The following GRID1 variants were observed in gnomAD, a reference collection of about 807,000 sequenced individuals.
GRID1 encodes glutamate ionotropic receptor delta type subunit 1, also known as glutamate receptor ionotropic, delta-1.
A neutral mutation model predicts 98.0 loss-of-function variants in GRID1; 28 were observed. The ratio of observed to expected loss-of-function variants is 0.29; its 90% CI spans 0.21 to 0.39. GRID1 has a LOEUF of 0.39. Among genes scored for constraint, GRID1 ranks in the 10% least tolerant of loss-of-function variants. The pLI is 1.00. For synonymous variants in GRID1, 553 were observed against 538.5 expected, an observed-to-expected ratio of 1.03 and a Z score of -0.37; for missense variants, 1,111 against 1,340.5, an observed-to-expected ratio of 0.83 and a Z score of 2.67.
At chr10:85,973,603 C>A (rs1203305521) in intron 4 of GRID1, among the ~76,000 whole-genome samples, 1 of 152,114 alleles carries the variant, frequency 6.6e-6, no homozygotes, top group Non-Finnish European at 1.5e-5. Context: ...TCATTATTTG[C>A]TATTTTCTAA....
intron 12 of GRID1, among the ~76,000 whole-genome samples, chr10:85,679,250 G>A (rs1841179935): frequency 6.6e-6 from 1 of 152,150 alleles, no homozygotes; most frequent in Non-Finnish European, 1.5e-5. Context: ...TTCTGACCAA[G>A]CTCCCAAACC....
chr10:86,343,223 C>T (rs984428043), intron 2 of GRID1, among the ~76,000 whole-genome samples: 11 of 152,158 alleles, frequency 7.2e-5, no homozygotes, highest in African/African-American at 2.7e-4. Context: ...TAAGCTACCT[C>T]ACAGCAAATT....
At chr10:85,675,890 A>G (rs1841139570) in intron 12 of GRID1, among the ~76,000 whole-genome samples, 1 of 152,120 alleles carries the variant, frequency 6.6e-6, no homozygotes, top group African/African-American at 2.4e-5. Context: ...TGTTCCATGC[A>G]TTTTGTGAGG....
At chr10:86,131,179 C>A (rs1184520177) in intron 4 of GRID1, among the ~76,000 whole-genome samples, 1 of 152,134 alleles carries the variant, frequency 6.6e-6, no homozygotes, top group Non-Finnish European at 1.5e-5. Flanking sequence ...CCGCCCCCTC[C>A]CCCTGCATCC....
chr10:85,793,485 A>G (rs1218051346), intron 8 of GRID1, among the ~76,000 whole-genome samples: 1 of 152,230 alleles, frequency 6.6e-6, no homozygotes, highest in Admixed American at 6.5e-5. Flanking sequence ...CTTTATCTGC[A>G]TAACCCAGCC....
At chr10:85,826,950 C>A (rs1180237099) in intron 8 of GRID1, among the ~76,000 whole-genome samples, 1 of 152,054 alleles carries the variant, frequency 6.6e-6, no homozygotes. Flanking sequence ...CCAAGGGCAT[C>A]AAAGAAAATG....
chr10:85,923,819 G>T (rs1429414545), intron 4 of GRID1, among the ~76,000 whole-genome samples: 1 of 152,184 alleles, frequency 6.6e-6, no homozygotes, highest in Non-Finnish European at 1.5e-5. Flanking sequence ...TAAGCCAGAA[G>T]GTGATTCAGG....
At chr10:85,778,304 A>G (rs1431369029) in intron 8 of GRID1, among the ~76,000 whole-genome samples, 3 of 152,098 alleles carry the variant, frequency 2.0e-5, no homozygotes, top group Non-Finnish European at 2.9e-5. Context: ...CCATGCAGTG[A>G]CAAGGTGAGG....
chr10:86,093,985 A>T (rs1399030938), intron 4 of GRID1, among the ~76,000 whole-genome samples: 1 of 152,220 alleles, frequency 6.6e-6, no homozygotes, highest in African/African-American at 2.4e-5. Flanking sequence ...CATATCAAAA[A>T]GATAATCCAC....
At chr10:85,723,422 A>C (rs1564570542) in intron 11 of GRID1, among the ~76,000 whole-genome samples, 1 of 152,178 alleles carries the variant, frequency 6.6e-6, no homozygotes, top group Non-Finnish European at 1.5e-5. Context: ...TTGGGGTCTG[A>C]ATATCAAAAT....
At chr10:86,325,181 T>TC (rs146133777) in intron 2 of GRID1, among the ~76,000 whole-genome samples, 9,842 of 152,292 alleles carry the variant, frequency 0.065, 607 homozygotes, top group African/African-American at 0.16. Flanking sequence ...TTTGCACATC[T>TC]CACTTGTATA....
intron 5 of GRID1, among the ~76,000 whole-genome samples, chr10:85,876,145 A>C (rs939917093): frequency 2.0e-4 from 30 of 152,168 alleles, no homozygotes; most frequent in Non-Finnish European, 3.8e-4. Flanking sequence ...GCATTAACAA[A>C]TTATCATAAA....
At chr10:86,156,269 C>G (rs1216172193) in intron 3 of GRID1, among the ~76,000 whole-genome samples, 1 of 152,206 alleles carries the variant, frequency 6.6e-6, no homozygotes, top group Non-Finnish European at 1.5e-5. Flanking sequence ...TTATCCTGCT[C>G]CAATCCGATT....
At chr10:86,277,055 C>T (rs536655542) in intron 2 of GRID1, among the ~76,000 whole-genome samples, 14 of 152,020 alleles carry the variant, frequency 9.2e-5, no homozygotes, top group Admixed American at 3.3e-4. Context: ...TTCCAAGAGC[C>T]GGGGGGAGAG....
At chr10:85,604,072 G>A (rs1842620624) in intron 15 of GRID1, among the ~76,000 whole-genome samples, 1 of 152,184 alleles carries the variant, frequency 6.6e-6, no homozygotes, top group South Asian at 2.1e-4. Flanking sequence ...GCCCTGACCA[G>A]ATGAGTGCAT....
chr10:85,770,037 A>G (rs1842241263), intron 8 of GRID1, among the ~76,000 whole-genome samples: 2 of 152,178 alleles, frequency 1.3e-5, no homozygotes, highest in African/African-American at 2.4e-5. Context: ...GTGGGACCCT[A>G]ACCCCTGACC....
intron 2 of GRID1, among the ~76,000 whole-genome samples, chr10:86,213,636 AC>A (rs1476158681): frequency 1.3e-5 from 2 of 151,944 alleles, no homozygotes; most frequent in Non-Finnish European, 2.9e-5. Context: ...GGAATCATCA[AC>A]ATTCCTTGCA....
intron 8 of GRID1, among the ~76,000 whole-genome samples, chr10:85,770,107 C>T (rs182834951): frequency 2.7e-3 from 408 of 152,272 alleles, no homozygotes; most frequent in Admixed American, 5.0e-3. Flanking sequence ...CTCACACGGC[C>T]GGGTACTCCT....
intron 2 of GRID1, among the ~76,000 whole-genome samples, chr10:86,268,018 G>C (rs1847129982): frequency 6.6e-6 from 1 of 152,170 alleles, no homozygotes; most frequent in Non-Finnish European, 1.5e-5. Context: ...CCTGTGTCAT[G>C]CACAGTCATC....
Sources: allele counts gnomAD v4.1 joint callset (sites outside exome capture counted in the v4.1 genomes callset), GRCh38; gene constraint gnomAD v4.1.1; transcripts MANE v1.5; gene names NCBI Gene and HGNC (gene_info 2026-07-23, HGNC 2026-07-21).